FBXL17: variants seen among roughly 807,000 people sequenced by gnomAD.
The protein encoded by FBXL17 is F-box and leucine rich repeat protein 17.
Under a neutral mutation model 66.2 loss-of-function variants are expected in FBXL17, and 22 were observed. That is an observed-to-expected ratio of 0.33 (90% confidence interval 0.24 to 0.47). The LOEUF (loss-of-function observed/expected upper bound fraction) is 0.47, where lower values mean the gene tolerates loss of function less well. FBXL17 is among the 20% of genes least tolerant of loss of function. The pLI, the probability that FBXL17 is intolerant of heterozygous loss-of-function variation, is 1.00. For missense variants in FBXL17, 878 were observed against 948.2 expected, an observed-to-expected ratio of 0.93 and a Z score of 0.97; for synonymous variants, 474 against 400.5, an observed-to-expected ratio of 1.18 and a Z score of -2.19.
At chr5:108,074,624 C>T (rs893271143) in intron 6 of FBXL17, among the ~76,000 whole-genome samples, 2 of 152,116 alleles carry the variant, frequency 1.3e-5, no homozygotes, top group African/African-American at 4.8e-5. Context: ...CCTTAAGGAA[C>T]ACACAAAAAA....
intron 7 of FBXL17, among the ~76,000 whole-genome samples, chr5:108,012,801 A>C (rs1008417484): frequency 4.6e-5 from 7 of 152,194 alleles, no homozygotes; most frequent in Non-Finnish European, 7.3e-5. Flanking sequence ...GGATCACCTG[A>C]TGTTGAGAGT....
intron 4 of FBXL17, among the ~76,000 whole-genome samples, chr5:108,255,193 T>G (rs1756523639): frequency 6.6e-6 from 1 of 152,178 alleles, no homozygotes; most frequent in South Asian, 2.1e-4. Flanking sequence ...TGAAAAACAT[T>G]AAGATAGACC....
chr5:108,185,497 C>A (rs540499892), intron 6 of FBXL17, among the ~76,000 whole-genome samples: 12 of 152,256 alleles, frequency 7.9e-5, no homozygotes, highest in African/African-American at 2.9e-4. Context: ...GTACAGCCTG[C>A]AGAACTGTGA....
rs192164822 is a variant in FBXL17, at chr5:108,216,828, C to T, written c.1614+7293G>A. Reference sequence around the variant, plus strand: ...GGTGTTATACCTAGAGACATGCCCACGGCTGCACAGATAGAAAAACCTCCA... The same window carrying T: ...GGTGTTATACCTAGAGACATGCCCATGGCTGCACAGATAGAAAAACCTCCA... On this transcript the variant is annotated intron_variant, in intron 5 of 8. Transcript: ENST00000542267. Among the ~76,000 whole-genome samples, 534 of 152,164 alleles carry T rather than the reference C, an allele frequency of 3.5e-3. 4 individuals are homozygous for T. Among genetic ancestry groups the T allele is most frequent in the African/African-American group, 0.012 (517 of 41,502 alleles).
chr5:107,923,125 C>T lies in FBXL17; in HGVS notation c.1823-41946G>A, dbSNP rs142025802. On this transcript the variant is annotated intron_variant, in intron 7 of 8. Transcript: ENST00000542267. ...GAATGACTCTGTAGCAATGGGCATG[C>T]CAGTATGTTGTGGGGAGGAGGAGAA... 4.3e-3 allele frequency among the ~76,000 whole-genome samples: 647 copies of T among 151,994 alleles called. 17 individuals are homozygous for T. The highest frequency in any genetic ancestry group is 0.034 in the Admixed American group (518 of 15,262).
At chr5:108,235,710 C>T (rs1755569565) in intron 4 of FBXL17, among the ~76,000 whole-genome samples, 1 of 152,170 alleles carries the variant, frequency 6.6e-6, no homozygotes, top group Non-Finnish European at 1.5e-5. Context: ...TCATTTCATC[C>T]CACTATCCCC....
chr5:107,906,121 T>C (rs1749749073), intron 7 of FBXL17, among the ~76,000 whole-genome samples: 1 of 151,866 alleles, frequency 6.6e-6, no homozygotes, highest in Non-Finnish European at 1.5e-5. Context: ...CAAATGTATA[T>C]TTTGACCTTT....
At chr5:108,305,911 GCTT>G (rs1758816965) in intron 4 of FBXL17, among the ~76,000 whole-genome samples, 1 of 151,966 alleles carries the variant, frequency 6.6e-6, no homozygotes, top group Admixed American at 6.6e-5. Flanking sequence ...CATCCTGATA[GCTT>G]CTTTTCCTTT....
intron 4 of FBXL17, among the ~76,000 whole-genome samples, chr5:108,340,890 T>C (rs961072177): frequency 6.6e-6 from 1 of 152,116 alleles, no homozygotes; most frequent in Non-Finnish European, 1.5e-5. Context: ...TGACACTCCA[T>C]CAGCAAGATA....
chr5:108,112,322 TC>T (rs1178613823), intron 6 of FBXL17, among the ~76,000 whole-genome samples: 1 of 152,178 alleles, frequency 6.6e-6, no homozygotes, highest in Non-Finnish European at 1.5e-5. Flanking sequence ...ACTTGATACT[TC>T]CATGAGCTTG....
chr5:108,240,593 C>T (rs1321619047), intron 4 of FBXL17, among the ~76,000 whole-genome samples: 1 of 152,116 alleles, frequency 6.6e-6, no homozygotes, highest in Non-Finnish European at 1.5e-5. Context: ...CCCTAGACAC[C>T]AGATGTCATC....
At chr5:108,108,223 T>G (rs1749885920) in intron 6 of FBXL17, among the ~76,000 whole-genome samples, 1 of 152,246 alleles carries the variant, frequency 6.6e-6, no homozygotes. Flanking sequence ...ATACTTTTCT[T>G]ACCAACTATG....
chr5:107,910,183 T>C (rs1351722914), intron 7 of FBXL17, among the ~76,000 whole-genome samples: 1 of 152,004 alleles, frequency 6.6e-6, no homozygotes, highest in Non-Finnish European at 1.5e-5. Flanking sequence ...GGACAAACTA[T>C]TCAAGCAATT....
At chr5:107,980,662 A>ATT (rs1428679219) in intron 7 of FBXL17, among the ~76,000 whole-genome samples, 2 of 65,840 alleles carry the variant, frequency 3.0e-5, no homozygotes, top group South Asian at 5.9e-4. Flanking sequence ...ATATATATAT[A>ATT]TATTTTTTTT....
intron 6 of FBXL17, among the ~76,000 whole-genome samples, chr5:108,142,382 G>A (rs1751383781): frequency 6.6e-6 from 1 of 152,114 alleles, no homozygotes; most frequent in African/African-American, 2.4e-5. Flanking sequence ...CTTAAAAGGT[G>A]TTTAATGAGC....
intron 7 of FBXL17, among the ~76,000 whole-genome samples, chr5:107,884,766 G>C (rs2112507140): frequency 6.6e-6 from 1 of 152,272 alleles, no homozygotes; most frequent in South Asian, 2.1e-4. Flanking sequence ...CTGGACAATG[G>C]GGAGGTTGAT....
intron 5 of FBXL17, among the ~76,000 whole-genome samples, chr5:108,212,407 AG>A (rs1157248761): frequency 3.9e-5 from 6 of 152,142 alleles, no homozygotes; most frequent in Non-Finnish European, 5.9e-5. Flanking sequence ...GGAGGAGAAG[AG>A]GCTTTCTGGT....
intron 6 of FBXL17, among the ~76,000 whole-genome samples, chr5:108,121,873 A>G (rs916329926): frequency 4.6e-5 from 7 of 152,142 alleles, no homozygotes; most frequent in Non-Finnish European, 1.0e-4. Flanking sequence ...TATATTTACA[A>G]TTTAAAAGTT....
chr5:107,977,022 AC>A (rs1752606030), intron 7 of FBXL17, among the ~76,000 whole-genome samples: 1 of 152,222 alleles, frequency 6.6e-6, no homozygotes, highest in African/African-American at 2.4e-5. Flanking sequence ...CTATTTAAGT[AC>A]CAAATTAAAA....
Sources: allele counts gnomAD v4.1 joint callset (sites outside exome capture counted in the v4.1 genomes callset), GRCh38; gene constraint gnomAD v4.1.1; transcripts MANE v1.5; gene names NCBI Gene and HGNC (gene_info 2026-07-23, HGNC 2026-07-21).